Variants in PTPRO observed in about 807,000 individuals in gnomAD.
PTPRO encodes protein tyrosine phosphatase receptor type O, also known as receptor-type tyrosine-protein phosphatase O.
In PTPRO, 62 loss-of-function variants were observed where a neutral mutation model predicts 145.2. The ratio of observed to expected loss-of-function variants is 0.43; its 90% CI spans 0.35 to 0.53. PTPRO has a LOEUF of 0.53. PTPRO is among the 20% of genes least tolerant of loss of function. The pLI is 0.01. For synonymous variants in PTPRO, 565 were observed against 514.7 expected, an observed-to-expected ratio of 1.10 and a Z score of -1.32; for missense variants, 1,345 against 1,482.7, an observed-to-expected ratio of 0.91 and a Z score of 1.53.
chr12:15,556,350 A>G (rs1943624406), intron 15 of PTPRO, among the ~76,000 whole-genome samples: 1 of 152,220 alleles, frequency 6.6e-6, no homozygotes, highest in Non-Finnish European at 1.5e-5. Flanking sequence ...TTGTGCCAGT[A>G]ATGTTAAAAT....
intron 1 of PTPRO, among the ~76,000 whole-genome samples, chr12:15,352,524 G>A (rs933523930): frequency 3.3e-5 from 5 of 151,752 alleles, no homozygotes; most frequent in African/African-American, 7.3e-5. Flanking sequence ...GGTGGCAGGC[G>A]CCTGTAGTCC....
At chr12:15,434,500 C>G (rs1940542014) in intron 1 of PTPRO, among the ~76,000 whole-genome samples, 2 of 152,152 alleles carry the variant, frequency 1.3e-5, no homozygotes, top group Admixed American at 1.3e-4. Flanking sequence ...TTGCTTTCAG[C>G]AGGAGTTTAC....
chr12:15,369,114 G>A (rs1319203101), intron 1 of PTPRO, among the ~76,000 whole-genome samples: 1 of 152,114 alleles, frequency 6.6e-6, no homozygotes, highest in African/African-American at 2.4e-5. Context: ...GTTTTGAAAG[G>A]AGTTTTAATT....
Position 15,557,531 on chromosome 12 carries a change from T to A in PTPRO, c.2627+8T>A. On this transcript the variant is annotated splice_region_variant and intron_variant, in intron 16 of 26. Transcript: ENST00000281171. ...AAAGCTTCCATACAACTGGTGAGTA[T>A]TGTTTTGGAACAAGCTTCTACATAG... The A allele has an allele frequency of 6.2e-7, 1 of 1,611,730 alleles. No homozygotes were observed. Among genetic ancestry groups the A allele is most frequent in the Non-Finnish European group, 8.5e-7 (1 of 1,177,878 alleles).
At chr12:15,497,105 C>T in intron 2 of PTPRO, 140 bp from the exon 3 acceptor site, 1 of 737,862 alleles carries the variant, frequency 1.4e-6, no homozygotes, top group Non-Finnish European at 2.4e-6. Flanking sequence ...TTCATGGTTA[C>T]TGAGGAGTTT....
Position 15,479,081 on chromosome 12 carries a change from C to A in PTPRO, c.76-4893C>A, listed in dbSNP as rs187914585. On this transcript the variant is annotated intron_variant, in intron 1 of 26. Transcript: ENST00000281171. ...CCAGGGAGGAACAGAAGATCCCCAA[C>A]CCCTCTATTCTAGGGATTTCATATG... Among the ~76,000 whole-genome samples the A allele has an allele frequency of 1.8e-3, 269 of 152,332 alleles. 3 individuals carry two copies. The highest frequency in any genetic ancestry group is 5.8e-3 in the African/African-American group (243 of 41,570).
At chr12:15,326,468 A>C (rs1866450629) in intron 1 of PTPRO, among the ~76,000 whole-genome samples, 1 of 152,212 alleles carries the variant, frequency 6.6e-6, no homozygotes, top group African/African-American at 2.4e-5. Flanking sequence ...CGTTGTGTGA[A>C]GGAATGAAAA....
chr12:15,352,649 CAAAAAA>C (rs71042243), intron 1 of PTPRO, among the ~76,000 whole-genome samples: 1 of 100,414 alleles, frequency 1.0e-5, no homozygotes, highest in African/African-American at 4.0e-5. Context: ...GACTCTGTCT[CAAAAAA>C]AAAAAAAAAA....
At chr12:15,409,301 T>C (rs1018419146) in intron 1 of PTPRO, among the ~76,000 whole-genome samples, 2 of 152,172 alleles carry the variant, frequency 1.3e-5, no homozygotes, top group African/African-American at 4.8e-5. Flanking sequence ...CCAGTCTACA[T>C]AGACCATCAT....
chr12:15,468,889 A>G (rs955083675), intron 1 of PTPRO, among the ~76,000 whole-genome samples: 3 of 152,240 alleles, frequency 2.0e-5, no homozygotes, highest in African/African-American at 4.8e-5. Flanking sequence ...AAGACCCAGA[A>G]AACCTTAGTG....
intron 1 of PTPRO, among the ~76,000 whole-genome samples, chr12:15,427,081 C>T (rs892177886): frequency 3.3e-5 from 5 of 151,958 alleles, no homozygotes; most frequent in Non-Finnish European, 7.4e-5. Context: ...ATTTAACTCC[C>T]GGACAAGCTG....
chr12:15,520,256 C>A lies in PTPRO; in HGVS notation c.1835C>A (p.Thr612Lys), dbSNP rs756493857. The A allele has an allele frequency of 6.2e-7, 1 of 1,613,840 alleles. No individual in the cohort carries two copies. Among genetic ancestry groups the A allele is most frequent in the South Asian group, 1.1e-5 (1 of 91,076 alleles). ...TACAACTTCCGGGTTACCATGGTGACGTGGGGAGATCCAGAATTGAGCTGC... is the reference window on the plus strand; with the variant it reads ...TACAACTTCCGGGTTACCATGGTGAAGTGGGGAGATCCAGAATTGAGCTGC... ...WYYNFRVTMVTWGDPELSCCD... is the reference protein window; with the variant it reads ...WYYNFRVTMVKWGDPELSCCD... The change falls in exon 10 of 27, where the codon ACG (threonine) becomes AAG (lysine). Residue 612 changes from threonine (T) to lysine (K), a missense_variant. Coordinates refer to ENST00000281171, the MANE Select transcript of PTPRO (RefSeq NM_030667.3).
At chr12:15,571,193 A>T (rs1944038200) in intron 19 of PTPRO, among the ~76,000 whole-genome samples, 1 of 152,122 alleles carries the variant, frequency 6.6e-6, no homozygotes, top group South Asian at 2.1e-4. Flanking sequence ...ACTTTGTTTC[A>T]CTGAACAAAG....
At chr12:15,545,475 G>C (rs1355448538) in intron 12 of PTPRO, among the ~76,000 whole-genome samples, 1 of 150,406 alleles carries the variant, frequency 6.6e-6, no homozygotes, top group Non-Finnish European at 1.5e-5. Context: ...AAAAGACAGG[G>C]TCACAAGCAG....
At chr12:15,439,549 C>G (rs770702965) in intron 1 of PTPRO, 1 of 246,164 alleles carries the variant, frequency 4.1e-6, no homozygotes, top group East Asian at 1.2e-4. Context: ...GCTGGTGGAG[C>G]GAGGGGGCCC....
At position 15,503,955 on chromosome 12, in the gene PTPRO, G is replaced by T. The variant is rs749653402; in HGVS notation, c.1153G>T (p.Val385Phe). The T allele has an allele frequency of 4.4e-6, 7 of 1,591,616 alleles. No homozygotes were observed. Among genetic ancestry groups the T allele is most frequent in the Non-Finnish European group, 6.0e-6 (7 of 1,160,026 alleles). Residue 385 changes from valine to phenylalanine, a missense_variant, in exon 6 of 27, where the codon GTT becomes TTT. Val to Phe is a conservative substitution (Grantham distance 50). This residue lies in a region of PTPRO where 1,130 missense variants were observed against 1,214.7 expected (regional missense o/e 0.93). Coordinates refer to ENST00000281171, the MANE Select transcript of PTPRO (RefSeq NM_030667.3). ...LMVDEEAHEF[V>F]AELKEPGKYK... The stretch of plus-strand genomic sequence containing the variant: ...GGTGGATGAAGAAGCACATGAATTT[G>T]TTGCAGAACTGAAGGAACCTGGGAA...
In PTPRO at chr12:15,391,538, C is replaced by A. The variant is rs185311989; in HGVS notation, c.75+68737C>A. Among the ~76,000 whole-genome samples, 3 of 152,288 alleles carry A rather than the reference C, an allele frequency of 2.0e-5. No homozygotes were observed. The East Asian group carries it at 5.8e-4, about 29-fold the overall frequency. On this transcript the variant is annotated intron_variant, in intron 1 of 26. Coordinates refer to ENST00000281171, the MANE Select transcript of PTPRO (RefSeq NM_030667.3). ...GACCTGGAAACACAGATATTCACCC[C>A]TCATGAACACTGCGATTCCACACAC... is the stretch of plus-strand genomic sequence containing the variant.
Position 15,349,155 on chromosome 12 carries a change from T to C in PTPRO, c.75+26354T>C, listed in dbSNP as rs141576922. Among the ~76,000 whole-genome samples the C allele has an allele frequency of 1.6e-3, 237 of 152,318 alleles. 2 individuals are homozygous for C. Among genetic ancestry groups the C allele is most frequent in the African/African-American group, 5.6e-3 (231 of 41,572 alleles). On this transcript the variant is annotated intron_variant, in intron 1 of 26. Coordinates refer to ENST00000281171, the MANE Select transcript of PTPRO (RefSeq NM_030667.3). ...AGTTTTATACTTCAAGAAATAGTGA[T>C]GGAATTAAGGAAGGTGTTAAATCTA... is the stretch of plus-strand genomic sequence containing the variant.
intron 2 of PTPRO, among the ~76,000 whole-genome samples, chr12:15,496,810 T>G (rs1007598011): frequency 6.6e-6 from 1 of 152,194 alleles, no homozygotes; most frequent in Non-Finnish European, 1.5e-5. Flanking sequence ...CAAAATTTAT[T>G]TTCTGTTACT....
Sources: gnomAD v4.1 joint callset for allele counts (sites outside exome capture counted in the v4.1 genomes callset) on GRCh38, gnomAD v4.1.1 for gene constraint, gnomAD v4.1.1 regional missense constraint, MANE v1.5 for transcripts, NCBI Gene and HGNC (gene_info 2026-07-23, HGNC 2026-07-21) for gene names.